Variants in TMC7 observed in about 807,000 individuals in gnomAD.
TMC7 encodes transmembrane channel like 7.
In TMC7, 54 loss-of-function variants were observed where a neutral mutation model predicts 82.9. The ratio of observed to expected loss-of-function variants is 0.65; its 90% confidence interval spans 0.52 to 0.82. TMC7 has a LOEUF of 0.82. TMC7 is among the 40% of genes least tolerant of loss of function. TMC7 has a pLI of 0.00. For synonymous variants in TMC7, 350 were observed against 337.9 expected, an observed-to-expected ratio of 1.04 and a Z score of -0.39; for missense variants, 820 against 901.2, an observed-to-expected ratio of 0.91 and a Z score of 1.15.
intron 1 of TMC7, among the ~76,000 whole-genome samples, chr16:18,999,092 G>A (rs1278950685): frequency 6.6e-6 from 1 of 152,164 alleles, no homozygotes; most frequent in Non-Finnish European, 1.5e-5. Context: ...AGGATGGAGT[G>A]CATTGCTTCC....
At chr16:19,002,536 C>T (rs1343388554) in intron 1 of TMC7, among the ~76,000 whole-genome samples, 1 of 151,474 alleles carries the variant, frequency 6.6e-6, no homozygotes. Flanking sequence ...AGTGCCCAGC[C>T]CGGATGGAGG....
chr16:19,013,453 G>A (rs1350257424), intron 2 of TMC7, among the ~76,000 whole-genome samples: 3 of 152,004 alleles, frequency 2.0e-5, no homozygotes, highest in Non-Finnish European at 4.4e-5. Flanking sequence ...CCGACCTCAG[G>A]TGATCCGCCT....
chr16:19,043,035 C>A (rs111756136), intron 9 of TMC7, among the ~76,000 whole-genome samples: 5 of 152,102 alleles, frequency 3.3e-5, no homozygotes, highest in African/African-American at 7.2e-5. Flanking sequence ...CGTGAGCCAC[C>A]GTGCCCGGCT....
chr16:19,054,735 AT>A (rs1487818583), intron 13 of TMC7, among the ~76,000 whole-genome samples: 1 of 103,532 alleles, frequency 9.7e-6, no homozygotes, highest in East Asian at 3.1e-4. Flanking sequence ...AAAGCATGGG[AT>A]TTGCTTTTTT....
rs12921141 is a variant in TMC7 at position 18,999,766 on chromosome 16, T to G, written c.68-9406T>G. Among the ~76,000 whole-genome samples the G allele has an allele frequency of 3.9e-5, 6 of 151,902 alleles. No homozygotes were observed. In the East Asian group the frequency reaches 1.2e-3, roughly 29 times the overall value. On this transcript the variant is annotated intron_variant, in intron 1 of 15. Transcript: ENST00000304381. ...GAGTCTGGGGACGTTTTTTTGTTTT[T>G]GTTTTTGTTTTTTTTGAGATAGAGT...
chr16:19,012,768 G>A (rs1319670319), intron 2 of TMC7, among the ~76,000 whole-genome samples: 3 of 126,790 alleles, frequency 2.4e-5, no homozygotes, highest in Non-Finnish European at 3.2e-5. Flanking sequence ...CAGCCTGGGC[G>A]ACAGAGTGAG....
chr16:19,059,710 T>C, intron 15 of TMC7: 6 of 1,520,828 alleles, frequency 3.9e-6, no homozygotes, highest in Non-Finnish European at 5.3e-6. Context: ...ATGTGGTGGC[T>C]CATGCCTGTA....
intron 1 of TMC7, among the ~76,000 whole-genome samples, chr16:19,004,148 A>G (rs2039193551): frequency 6.6e-6 from 1 of 152,028 alleles, no homozygotes; most frequent in Non-Finnish European, 1.5e-5. Flanking sequence ...TGTGTGTTAT[A>G]TGCAAACGAG....
chr16:19,059,754 A>G, intron 15 of TMC7: 1 of 1,343,580 alleles, frequency 7.4e-7, no homozygotes, highest in Non-Finnish European at 1.0e-6. Context: ...AGGCAGGCAG[A>G]TTACTTGAGC....
intron 12 of TMC7, among the ~76,000 whole-genome samples, chr16:19,050,327 A>G (rs1961471047): frequency 7.9e-6 from 1 of 126,512 alleles, no homozygotes; most frequent in Non-Finnish European, 1.6e-5. Flanking sequence ...AGATCGCGCT[A>G]CTACACTCCA....
chr16:19,059,692 T>C (rs532346797), intron 15 of TMC7, 198 bp downstream of exon 15: 4 of 1,531,544 alleles, frequency 2.6e-6, no homozygotes, highest in Middle Eastern at 2.2e-4. Flanking sequence ...AGATGTGTAT[T>C]AAGGGGGATG....
chr16:18,999,722 G>A (rs1337386800), intron 1 of TMC7, among the ~76,000 whole-genome samples: 1 of 152,110 alleles, frequency 6.6e-6, no homozygotes, highest in Non-Finnish European at 1.5e-5. Context: ...TGATTGACAT[G>A]TCATAGCAGC....
At chr16:19,038,762 C>A (rs890804419) in intron 8 of TMC7, among the ~76,000 whole-genome samples, 1 of 152,140 alleles carries the variant, frequency 6.6e-6, no homozygotes, top group African/African-American at 2.4e-5. Context: ...AAGAGATCCA[C>A]CCACCTTGGC....
intron 12 of TMC7, among the ~76,000 whole-genome samples, chr16:19,050,837 T>C (rs1018502900): frequency 6.6e-6 from 1 of 152,074 alleles, no homozygotes; most frequent in African/African-American, 2.4e-5. Context: ...TTTCATGCTA[T>C]ATAGATGTAC....
intron 8 of TMC7, among the ~76,000 whole-genome samples, chr16:19,038,441 C>T (rs1325744564): frequency 5.9e-5 from 9 of 152,060 alleles, no homozygotes; most frequent in South Asian, 4.1e-4. Flanking sequence ...GTGATCTGCC[C>T]GCCTCCACCT....
intron 1 of TMC7, among the ~76,000 whole-genome samples, chr16:18,985,572 A>G (rs1383156178): frequency 6.6e-6 from 1 of 152,164 alleles, no homozygotes; most frequent in African/African-American, 2.4e-5. Context: ...TTTCCCATAC[A>G]AAGAATGTGA....
At chr16:19,009,961 G>GTTTC (rs913733740) in intron 2 of TMC7, among the ~76,000 whole-genome samples, 2 of 145,542 alleles carry the variant, frequency 1.4e-5, no homozygotes, top group South Asian at 2.2e-4. Context: ...AAAAAAAGAA[G>GTTTC]TTTCTTTCTT....
intron 5 of TMC7, among the ~76,000 whole-genome samples, chr16:19,026,393 C>T (rs1373220226): frequency 2.0e-5 from 3 of 151,006 alleles, no homozygotes; most frequent in Admixed American, 6.6e-5. Flanking sequence ...AGGAGAATGG[C>T]GTGAACCTGG....
At chr16:18,992,947 A>G (rs912164094) in intron 1 of TMC7, among the ~76,000 whole-genome samples, 38 of 152,222 alleles carry the variant, frequency 2.5e-4, no homozygotes, top group African/African-American at 9.1e-4. Flanking sequence ...GTTCTGTTCT[A>G]TTGGTCTATA....
Sources: allele counts gnomAD v4.1 joint callset (sites outside exome capture counted in the v4.1 genomes callset), GRCh38; gene constraint gnomAD v4.1.1; transcripts MANE v1.5; gene names NCBI Gene and HGNC (gene_info 2026-07-23, HGNC 2026-07-21).